Variants in KPNA3 observed in about 807,000 individuals in gnomAD.
The protein encoded by KPNA3 is importin subunit alpha-4.
In KPNA3, 13 loss-of-function variants were observed where a neutral mutation model predicts 73.8. The observed-to-expected ratio is 0.18, with a 90% CI of 0.11 to 0.28. The LOEUF is 0.28. Ranked by LOEUF, KPNA3 falls within the 10% of genes least tolerant of loss-of-function variation. KPNA3 has a pLI of 1.00. For synonymous variants in KPNA3, 186 were observed against 206.9 expected (o/e 0.90, Z 0.87); for missense variants, 360 against 618.1 (o/e 0.58, Z 4.43).
Position 49,722,140 on chromosome 13 carries a change from T to A in KPNA3, c.557-16A>T. 6.7e-7 allele frequency: 1 copy of A among 1,491,146 alleles called. No individual in the cohort carries two copies. Among genetic ancestry groups the A allele is most frequent in the Admixed American group, 2.3e-5 (1 of 44,150 alleles). 92.4% of individuals were successfully genotyped at this position (1,491,146 alleles called of 1,614,324 possible). A position where few individuals can be genotyped will look rare whatever the true frequency, so the allele number is the denominator to read the frequency against. ...GGACCATCACCTACAGAAATGAAAA[T>A]TATATTTAAAAAAAACTTACATTCA... On this transcript the variant is annotated splice_polypyrimidine_tract_variant and intron_variant, in intron 8 of 16. Coordinates refer to ENST00000261667, the MANE Select transcript of KPNA3 (RefSeq NM_002267.4).
intron 1 of KPNA3, among the ~76,000 whole-genome samples, chr13:49,773,404 T>G (rs1306826787): frequency 6.6e-6 from 1 of 152,236 alleles, no homozygotes; most frequent in African/African-American, 2.4e-5. Flanking sequence ...TTTGAAGTCC[T>G]TTCTAAATTA....
chr13:49,736,970 T>C (rs974822098), intron 2 of KPNA3, among the ~76,000 whole-genome samples: 1 of 152,188 alleles, frequency 6.6e-6, no homozygotes, highest in Non-Finnish European at 1.5e-5. Flanking sequence ...CTCAGTATAA[T>C]TGTCTGGAGA....
chr13:49,703,460 G>C (rs984903107), intron 15 of KPNA3, among the ~76,000 whole-genome samples: 1 of 152,178 alleles, frequency 6.6e-6, no homozygotes, highest in Non-Finnish European at 1.5e-5. Context: ...GATTACAGGA[G>C]TGAGCCACTG....
At chr13:49,733,092 T>C (rs1954485128) in intron 2 of KPNA3, 46 bp from the exon 3 acceptor site, 7 of 1,189,592 alleles carry the variant, frequency 5.9e-6, no homozygotes, top group Non-Finnish European at 8.7e-6. Context: ...AGGACTACTG[T>C]TAATGAAAAA....
intron 1 of KPNA3, among the ~76,000 whole-genome samples, chr13:49,762,889 T>A (rs1053631060): frequency 8.4e-4 from 65 of 77,566 alleles, no homozygotes; most frequent in Non-Finnish European, 1.4e-3. Context: ...ATTAAAAAAA[T>A]AAATAAATAA....
At chr13:49,727,739 G>A (rs781680185) in intron 6 of KPNA3, among the ~76,000 whole-genome samples, 2 of 152,136 alleles carry the variant, frequency 1.3e-5, no homozygotes, top group Non-Finnish European at 2.9e-5. Context: ...GAGGCACTAA[G>A]AGGGGTAAGG....
intron 7 of KPNA3, among the ~76,000 whole-genome samples, chr13:49,724,302 A>G (rs1355125324): frequency 6.6e-6 from 1 of 151,358 alleles, no homozygotes; most frequent in Non-Finnish European, 1.5e-5. Flanking sequence ...GGGTCACATG[A>G]TAACTTTTTT....
At chr13:49,723,346 T>G (rs1954377670) in intron 7 of KPNA3, among the ~76,000 whole-genome samples, 1 of 152,060 alleles carries the variant, frequency 6.6e-6, no homozygotes, top group African/African-American at 2.4e-5. Context: ...CCGAGGCAGA[T>G]GGATCACCAG....
intron 10 of KPNA3, among the ~76,000 whole-genome samples, chr13:49,718,938 A>G (rs1358500762): frequency 1.3e-5 from 2 of 150,932 alleles, no homozygotes; most frequent in Middle Eastern, 3.4e-3. Flanking sequence ...ACATATACAC[A>G]TATGTATGTA....
intron 1 of KPNA3, among the ~76,000 whole-genome samples, chr13:49,772,733 G>A (rs769215954): frequency 6.6e-6 from 1 of 152,180 alleles, no homozygotes; most frequent in Admixed American, 6.5e-5. Context: ...AACCCAAGAG[G>A]CAGAGGCTGC....
intron 1 of KPNA3, among the ~76,000 whole-genome samples, chr13:49,773,304 A>G (rs909025244): frequency 1.4e-4 from 21 of 152,202 alleles, no homozygotes; most frequent in African/African-American, 4.8e-4. Context: ...CAAGGAGGTA[A>G]TCATTTGTCA....
chr13:49,784,770 A>T (rs1229924264), intron 1 of KPNA3, among the ~76,000 whole-genome samples: 1 of 152,192 alleles, frequency 6.6e-6, no homozygotes, highest in Non-Finnish European at 1.5e-5. Context: ...GGTGCCTACG[A>T]TGTATTTATT....
chr13:49,778,608 A>G (rs1475554047), intron 1 of KPNA3, among the ~76,000 whole-genome samples: 1 of 152,184 alleles, frequency 6.6e-6, no homozygotes, highest in Non-Finnish European at 1.5e-5. Flanking sequence ...CTACTTTTAC[A>G]TATGTTTGAA....
At chr13:49,708,274 C>T (rs929550397) in intron 12 of KPNA3, among the ~76,000 whole-genome samples, 3 of 152,182 alleles carry the variant, frequency 2.0e-5, no homozygotes, top group African/African-American at 7.2e-5. Flanking sequence ...GGATTACAGG[C>T]ATGAGCCACC....
At chr13:49,718,557 TTGCTGTCAGA>T (rs1954326086) in intron 10 of KPNA3, among the ~76,000 whole-genome samples, 1 of 152,216 alleles carries the variant, frequency 6.6e-6, no homozygotes, top group African/African-American at 2.4e-5. Flanking sequence ...CTTTTAATCT[TTGCTGTCAGA>T]AAGCTTACAA....
intron 10 of KPNA3, among the ~76,000 whole-genome samples, chr13:49,719,056 T>G (rs1332846593): frequency 6.6e-6 from 1 of 152,098 alleles, no homozygotes; most frequent in African/African-American, 2.4e-5. Context: ...GTCACCGAAA[T>G]TTATCCACTG....
chr13:49,761,450 G>C (rs1341382155), intron 1 of KPNA3, among the ~76,000 whole-genome samples: 2 of 151,432 alleles, frequency 1.3e-5, no homozygotes, highest in African/African-American at 2.4e-5. Flanking sequence ...TGTGTTGGCC[G>C]GGCTGGTCTC....
intron 12 of KPNA3, 55 bp from the exon 13 acceptor site, chr13:49,706,427 T>C: frequency 8.5e-7 from 1 of 1,171,660 alleles, no homozygotes; most frequent in South Asian, 1.3e-5. Flanking sequence ...ACCTTTAATG[T>C]CTTTCTAATA....
At chr13:49,789,816 G>T (rs1452468522) in intron 1 of KPNA3, among the ~76,000 whole-genome samples, 1 of 152,104 alleles carries the variant, frequency 6.6e-6, no homozygotes, top group Non-Finnish European at 1.5e-5. Context: ...AGTCTGGAAT[G>T]CCCCTTTCTT....
Sources: allele counts gnomAD v4.1 joint callset (sites outside exome capture counted in the v4.1 genomes callset), GRCh38; gene constraint gnomAD v4.1.1; transcripts MANE v1.5; gene names NCBI Gene and HGNC (gene_info 2026-07-23, HGNC 2026-07-21).